UNC79: variants seen among roughly 807,000 people sequenced by gnomAD.
UNC79 encodes the protein protein unc-79 homolog.
Under a neutral mutation model 283.1 loss-of-function variants are expected in UNC79, and 37 were observed. The observed-to-expected ratio is 0.13, with a 90% CI of 0.10 to 0.17. The LOEUF is 0.17. UNC79 is among the 10% of genes least tolerant of loss of function. The pLI is 1.00. For synonymous variants in UNC79, 1,107 were observed against 1,200.2 expected (o/e 0.92, Z 1.61); for missense variants, 2,272 against 3,211.1 (o/e 0.71, Z 7.07).
chr14:93,383,251 T>C (rs1327862098), intron 1 of UNC79, among the ~76,000 whole-genome samples: 1 of 152,140 alleles, frequency 6.6e-6, no homozygotes, highest in African/African-American at 2.4e-5. Context: ...TGAAGTGTAG[T>C]TTTCATTTTC....
In UNC79 at chr14:93,621,748, G is replaced by A. The variant is rs368242839; in HGVS notation, c.4515G>A (p.Gly1505=). 2.5e-6 allele frequency: 4 copies of A among 1,613,990 alleles called. No homozygotes were observed. In the East Asian group the frequency reaches 6.7e-5, roughly 27 times the overall value. Residue 1505 remains glycine (G), a synonymous_variant, in exon 30 of 49, where the codon GGG becomes GGA. Coordinates refer to ENST00000555664, the Ensembl canonical transcript of UNC79. The surrounding 1 kb of genome is among the most constrained non-coding windows in gnomAD (Gnocchi z 4.8). ...TCAAACAAAAATCTCTTGATATAGG[G>A]AATGCAGACTCGCTTTTGTTTACAT...
intron 14 of UNC79, among the ~76,000 whole-genome samples, chr14:93,556,192 A>G (rs1324733276): frequency 6.6e-6 from 1 of 152,144 alleles, no homozygotes; most frequent in African/African-American, 2.4e-5. Context: ...GGACAACCCA[A>G]CATCAACTAG....
intron 18 of UNC79, 31 bp downstream of exon 18, chr14:93,578,094 G>C: frequency 6.2e-7 from 1 of 1,600,906 alleles, no homozygotes; most frequent in Non-Finnish European, 8.5e-7. Flanking sequence ...CTTTAGTTCA[G>C]AGGTGAAGAA....
exon 14 of UNC79, chr14:93,542,644 G>A (rs781295616): frequency 3.1e-6 from 5 of 1,614,160 alleles, no homozygotes; most frequent in African/African-American, 1.3e-5. Context: ...TGTGATGTTC[G>A]CTTCGATGTC....
chr14:93,636,225 T>G (rs1170832164), intron 31 of UNC79, among the ~76,000 whole-genome samples: 2 of 152,218 alleles, frequency 1.3e-5, no homozygotes, highest in African/African-American at 4.8e-5. Flanking sequence ...CAAATTTCAA[T>G]CTTGTTCATG....
intron 1 of UNC79, among the ~76,000 whole-genome samples, chr14:93,403,934 CAG>C (rs2055163112): frequency 6.7e-6 from 1 of 148,778 alleles, no homozygotes; most frequent in Admixed American, 6.8e-5. Context: ...TATCACCTAA[CAG>C]TGTGGGCAAA....
At chr14:93,357,676 C>CATAT (rs60284787) in intron 1 of UNC79, among the ~76,000 whole-genome samples, 180 of 32,346 alleles carry the variant, frequency 5.6e-3, no homozygotes, top group East Asian at 7.3e-3. Flanking sequence ...AATAAACTCC[C>CATAT]ATATATATAT....
chr14:93,688,856 T>C lies in UNC79; in HGVS notation c.7085+16T>C, dbSNP rs1248704533. 1.2e-6 allele frequency: 2 copies of C among 1,608,922 alleles called. No individual in the cohort carries two copies. The highest frequency in any genetic ancestry group is 2.2e-5 in the South Asian group (2 of 90,408). On this transcript the variant is annotated intron_variant, in intron 44 of 48. Transcript: ENST00000555664. The surrounding 1 kb of genome is among the most constrained non-coding windows in gnomAD (Gnocchi z 4.0). ...TGCAGCAAGGGTAAGACCCTTACTA[T>C]TCCGGGAATGAGGGTAAAGAAGGCA... is the stretch of plus-strand genomic sequence containing the variant.
intron 31 of UNC79, among the ~76,000 whole-genome samples, 173 bp from the exon 34 acceptor site, chr14:93,634,348 A>G (rs2068322904): frequency 6.6e-6 from 1 of 152,234 alleles, no homozygotes. Context: ...GTGTGAAGAA[A>G]GGCATCCGGA....
At chr14:93,482,596 G>C (rs79336353) in intron 4 of UNC79, among the ~76,000 whole-genome samples, 1 of 152,132 alleles carries the variant, frequency 6.6e-6, no homozygotes, top group Non-Finnish European at 1.5e-5. Flanking sequence ...AAATGGTTCT[G>C]TCACATTGAA....
chr14:93,481,350 G>A (rs986104694), intron 4 of UNC79, among the ~76,000 whole-genome samples: 1 of 152,094 alleles, frequency 6.6e-6, no homozygotes, highest in Admixed American at 6.6e-5. Flanking sequence ...TCCAATAAAG[G>A]ATCTGTGATT....
chr14:93,613,449 T>C (rs548693939), intron 27 of UNC79, among the ~76,000 whole-genome samples: 10 of 151,590 alleles, frequency 6.6e-5, no homozygotes, highest in Non-Finnish European at 1.2e-4. Flanking sequence ...GGAGTCTCGC[T>C]CTGTTGCCCA....
At chr14:93,402,342 G>A (rs578051770) in intron 1 of UNC79, among the ~76,000 whole-genome samples, 5 of 148,552 alleles carry the variant, frequency 3.4e-5, no homozygotes, top group Non-Finnish European at 5.9e-5. Flanking sequence ...ATGAGACTGT[G>A]AATGCACTGT....
At chr14:93,547,465 T>C (rs1015520779) in intron 14 of UNC79, among the ~76,000 whole-genome samples, 2 of 152,180 alleles carry the variant, frequency 1.3e-5, no homozygotes, top group Non-Finnish European at 1.5e-5. Context: ...AAAGGCAAAA[T>C]ATCAAAAGTT....
chr14:93,379,391 A>G (rs1326496955), intron 1 of UNC79, among the ~76,000 whole-genome samples: 2 of 152,154 alleles, frequency 1.3e-5, no homozygotes, highest in Admixed American at 1.3e-4. Flanking sequence ...TGAACAGGCT[A>G]GTAAACTTTT....
chr14:93,500,792 C>T (rs978633845), intron 7 of UNC79, among the ~76,000 whole-genome samples: 1 of 152,152 alleles, frequency 6.6e-6, no homozygotes, highest in African/African-American at 2.4e-5. Flanking sequence ...TGTTACATCA[C>T]TTTTTTCAGT....
intron 38 of UNC79, among the ~76,000 whole-genome samples, chr14:93,657,172 A>T (rs556980502): frequency 6.6e-6 from 1 of 152,260 alleles, no homozygotes; most frequent in South Asian, 2.1e-4. Context: ...AATAAATCCA[A>T]GCAAGAAGGG....
intron 1 of UNC79, among the ~76,000 whole-genome samples, chr14:93,345,650 A>G (rs914325491): frequency 3.9e-5 from 6 of 152,120 alleles, no homozygotes; most frequent in Admixed American, 3.3e-4. Flanking sequence ...CAAAACGTTG[A>G]TGAGTGAGAA....
chr14:93,646,257 A>G (rs2069590146), intron 34 of UNC79, among the ~76,000 whole-genome samples: 1 of 152,188 alleles, frequency 6.6e-6, no homozygotes, highest in South Asian at 2.1e-4. Flanking sequence ...TTCAGAGGTT[A>G]TATACAAAGA....
Sources: gnomAD v4.1 joint callset for allele counts (sites outside exome capture counted in the v4.1 genomes callset) on GRCh38, gnomAD v4.1.1 for gene constraint, Gnocchi (gnomAD v3.1) non-coding constraint, MANE v1.5 for transcripts, NCBI Gene and HGNC (gene_info 2026-07-23, HGNC 2026-07-21) for gene names.